HDAC4: variants seen among roughly 807,000 people sequenced by gnomAD.
HDAC4 encodes the protein histone deacetylase A.
Under a neutral mutation model 135.1 loss-of-function variants are expected in HDAC4, and 16 were observed. That is an observed-to-expected ratio of 0.12 (90% CI 0.08 to 0.18). The LOEUF is 0.18. Among genes scored for constraint, HDAC4 ranks in the 10% least tolerant of loss-of-function variants. The probability of loss-of-function intolerance (pLI) is 1.00; values close to 1 mark genes in which losing one functional copy is unlikely to be tolerated. For synonymous variants in HDAC4, 685 were observed against 653.4 expected (o/e 1.05, Z -0.74); for missense variants, 1,143 against 1,511.8 (o/e 0.76, Z 4.05).
chr2:239,177,605 C>T lies in HDAC4; in HGVS notation c.340-1042G>A, dbSNP rs1468067392. Among the ~76,000 whole-genome samples the T allele has an allele frequency of 6.6e-5, 10 of 152,110 alleles. No individual in the cohort carries two copies. In the East Asian group the frequency reaches 1.9e-3, roughly 29 times the overall value. On this transcript the variant is annotated intron_variant, in intron 4 of 26. Transcript: ENST00000543185. ...AGCACCCTTAAGGGCTGGCATTCTA[C>T]CGAGTATAAATTATATCTCATATTT...
At chr2:239,232,439 G>A (rs959817327) in intron 3 of HDAC4, among the ~76,000 whole-genome samples, 1 of 152,196 alleles carries the variant, frequency 6.6e-6, no homozygotes, top group Non-Finnish European at 1.5e-5. Context: ...GAAAACACAA[G>A]GCTCTGGCAG....
Position 239,240,443 on chromosome 2 carries a change from T to C in HDAC4, c.23-3779A>G, listed in dbSNP as rs2048115170. On this transcript the variant is annotated intron_variant, in intron 2 of 26. Transcript: ENST00000543185. This position sits in a 1 kb window ranked among gnomAD's most constrained non-coding sequence, Gnocchi z 4.5. Reference sequence around the variant, plus strand: ...TGGAATTTCCATATTTATCTGCCTCTGGGCTGAAATTTCTCAGGCTGAGGA... The same window carrying C: ...TGGAATTTCCATATTTATCTGCCTCCGGGCTGAAATTTCTCAGGCTGAGGA... Among the ~76,000 whole-genome samples the C allele has an allele frequency of 6.6e-6, 1 of 152,244 alleles. No homozygotes were observed. The highest frequency in any genetic ancestry group is 2.1e-4 in the South Asian group (1 of 4,838).
intron 3 of HDAC4, among the ~76,000 whole-genome samples, chr2:239,201,273 C>T (rs1050840855): frequency 2.4e-4 from 36 of 151,420 alleles, no homozygotes; most frequent in African/African-American, 7.1e-4. Flanking sequence ...ACAGGTCACC[C>T]AGGGGGGTGC....
chr2:239,189,301 A>C (rs1320908716), intron 4 of HDAC4, among the ~76,000 whole-genome samples: 1 of 152,224 alleles, frequency 6.6e-6, no homozygotes, highest in East Asian at 1.9e-4. Flanking sequence ...AATTGATTTA[A>C]TTTTAAAATC....
At chr2:239,361,163 C>T (rs1397907822) in intron 1 of HDAC4, among the ~76,000 whole-genome samples, 2 of 152,160 alleles carry the variant, frequency 1.3e-5, no homozygotes, top group African/African-American at 4.8e-5. Flanking sequence ...CTGCCCCTGG[C>T]TGGAATGTGA....
At chr2:239,324,590 T>C (rs537150896) in intron 2 of HDAC4, among the ~76,000 whole-genome samples, 2 of 152,282 alleles carry the variant, frequency 1.3e-5, no homozygotes, top group South Asian at 2.1e-4. Context: ...CCCAGGCAGA[T>C]AGCACGCAGG....
chr2:239,300,011 A>T (rs1350259269), intron 2 of HDAC4, among the ~76,000 whole-genome samples: 1 of 152,172 alleles, frequency 6.6e-6, no homozygotes, highest in East Asian at 1.9e-4. Flanking sequence ...GTGCCTTTCA[A>T]TCCATGCCAC....
At chr2:239,106,832 C>T (rs1240579509) in intron 15 of HDAC4, among the ~76,000 whole-genome samples, 1 of 152,212 alleles carries the variant, frequency 6.6e-6, no homozygotes, top group African/African-American at 2.4e-5. Context: ...CGTGCTCACT[C>T]ATCTCTGCCA....
chr2:239,232,211 AG>A (rs918683941), intron 3 of HDAC4, among the ~76,000 whole-genome samples: 46 of 152,384 alleles, frequency 3.0e-4, no homozygotes, highest in African/African-American at 9.4e-4. Flanking sequence ...CAGGAAGGGG[AG>A]GAGTTTTAGC....
chr2:239,242,894 TTTCCCC>T (rs1415690946), intron 2 of HDAC4, among the ~76,000 whole-genome samples: 3 of 152,174 alleles, frequency 2.0e-5, no homozygotes, highest in Admixed American at 6.5e-5. Context: ...TATTAAATAA[TTTCCCC>T]TTCCATCTGA....
At chr2:239,084,438 T>G (rs369569248) in intron 19 of HDAC4, among the ~76,000 whole-genome samples, 196 bp from the exon 20 acceptor site, 1 of 147,310 alleles carries the variant, frequency 6.8e-6, no homozygotes, top group Non-Finnish European at 1.5e-5. Context: ...ACACCCCACA[T>G]GCAGACACAC....
chr2:239,156,319 T>A (rs1016279694), intron 7 of HDAC4, among the ~76,000 whole-genome samples: 1 of 152,190 alleles, frequency 6.6e-6, no homozygotes, highest in Non-Finnish European at 1.5e-5. Context: ...CAACAGGAAC[T>A]TGCTTCACCC....
intron 1 of HDAC4, among the ~76,000 whole-genome samples, chr2:239,385,329 A>C (rs1559400681): frequency 6.6e-6 from 1 of 152,250 alleles, no homozygotes; most frequent in Non-Finnish European, 1.5e-5. Context: ...AGCAGGAGGA[A>C]GCACTGGCTG....
chr2:239,156,438 TAC>T (rs2042428855), intron 7 of HDAC4, among the ~76,000 whole-genome samples: 1 of 152,250 alleles, frequency 6.6e-6, no homozygotes, highest in Admixed American at 6.5e-5. Context: ...AGCAGTGGTG[TAC>T]ATGCGTTAGG....
chr2:239,131,855 C>T (rs768332825), intron 11 of HDAC4, among the ~76,000 whole-genome samples: 2 of 152,210 alleles, frequency 1.3e-5, no homozygotes, highest in South Asian at 2.1e-4. Flanking sequence ...AACAGCTCCC[C>T]GTGGCTGGTG....
chr2:239,217,538 A>C (rs2046708069), intron 3 of HDAC4, among the ~76,000 whole-genome samples: 1 of 152,196 alleles, frequency 6.6e-6, no homozygotes. Context: ...CAAAATCAGA[A>C]GGTTGGAGAA....
intron 1 of HDAC4, among the ~76,000 whole-genome samples, chr2:239,382,489 T>C (rs1362261330): frequency 6.6e-6 from 1 of 152,230 alleles, no homozygotes; most frequent in African/African-American, 2.4e-5. Context: ...TTTTCTACTT[T>C]GTGCCTTTCT....
intron 9 of HDAC4, among the ~76,000 whole-genome samples, chr2:239,137,142 C>T (rs960586734): frequency 1.3e-5 from 2 of 152,206 alleles, no homozygotes; most frequent in Non-Finnish European, 2.9e-5. Context: ...CTAAAGGAGG[C>T]TTCTGAGAAT....
chr2:239,253,807 C>T (rs2048912450), intron 2 of HDAC4, among the ~76,000 whole-genome samples: 1 of 152,072 alleles, frequency 6.6e-6, no homozygotes, highest in Admixed American at 6.6e-5. Context: ...TTCCTGGGGC[C>T]CAAGAGTCAT....
Sources: gnomAD v4.1 joint callset for allele counts (sites outside exome capture counted in the v4.1 genomes callset) on GRCh38, gnomAD v4.1.1 for gene constraint, Gnocchi (gnomAD v3.1) non-coding constraint, MANE v1.5 for transcripts, NCBI Gene and HGNC (gene_info 2026-07-23, HGNC 2026-07-21) for gene names.